CADPS2: variants seen among roughly 807,000 people sequenced by gnomAD.
CADPS2 encodes calcium dependent secretion activator 2.
A neutral mutation model predicts 172.5 loss-of-function variants in CADPS2; 93 were observed. The ratio of observed to expected loss-of-function variants is 0.54; its 90% CI spans 0.46 to 0.64. CADPS2 has a LOEUF of 0.64. CADPS2 is among the 30% of genes least tolerant of loss of function. The pLI is 0.00. For missense variants in CADPS2, 1,420 were observed against 1,565.9 expected (o/e 0.91, Z 1.57); for synonymous variants, 546 against 555.2 (o/e 0.98, Z 0.23).
intron 8 of CADPS2, among the ~76,000 whole-genome samples, chr7:122,541,678 T>G (rs1434216942): frequency 6.8e-6 from 1 of 146,244 alleles, no homozygotes; most frequent in Non-Finnish European, 1.5e-5. Flanking sequence ...TATATGTTTA[T>G]ATATTTATTC....
intron 2 of CADPS2, among the ~76,000 whole-genome samples, chr7:122,717,676 T>C (rs2089807497): frequency 6.6e-6 from 1 of 152,182 alleles, no homozygotes; most frequent in Non-Finnish European, 1.5e-5. Context: ...TTTCATTGTT[T>C]AGCTAATGGG....
chr7:122,474,096 G>A (rs912134429), intron 13 of CADPS2, among the ~76,000 whole-genome samples: 1 of 152,056 alleles, frequency 6.6e-6, no homozygotes, highest in East Asian at 1.9e-4. Flanking sequence ...TTCACTGAGC[G>A]TTCTTTAAAG....
At chr7:122,878,015 T>G (rs1430895918) in intron 1 of CADPS2, among the ~76,000 whole-genome samples, 2 of 55,912 alleles carry the variant, frequency 3.6e-5, no homozygotes. Context: ...AAGTGGCACT[T>G]TGGGAGGCCG....
At chr7:122,833,341 C>T (rs1379024610) in intron 1 of CADPS2, among the ~76,000 whole-genome samples, 2 of 152,010 alleles carry the variant, frequency 1.3e-5, no homozygotes, top group South Asian at 2.1e-4. Context: ...ATGTACCATG[C>T]TTTATTTATT....
intron 9 of CADPS2, 38 bp from the exon 10 acceptor site, chr7:122,491,458 T>A: frequency 1.7e-6 from 2 of 1,161,254 alleles, no homozygotes; most frequent in Non-Finnish European, 2.5e-6. Context: ...TTAGTCACAT[T>A]AAATTTACCA....
chr7:122,797,505 C>G (rs562728304), intron 1 of CADPS2, among the ~76,000 whole-genome samples: 8 of 152,204 alleles, frequency 5.3e-5, no homozygotes, highest in African/African-American at 1.7e-4. Context: ...CCCCATGGAA[C>G]AGTATGCACC....
At chr7:122,544,375 G>A (rs999399644) in intron 8 of CADPS2, among the ~76,000 whole-genome samples, 1 of 152,174 alleles carries the variant, frequency 6.6e-6, no homozygotes, top group African/African-American at 2.4e-5. Flanking sequence ...TGTAAGACAA[G>A]AGTGCACAGT....
intron 1 of CADPS2, among the ~76,000 whole-genome samples, chr7:122,808,311 C>T (rs1169844569): frequency 2.0e-5 from 3 of 152,276 alleles, no homozygotes; most frequent in East Asian, 1.9e-4. Context: ...TTCTGCAGTT[C>T]GTACCCTTGT....
chr7:122,340,474 C>T (rs1415897239), intron 28 of CADPS2, among the ~76,000 whole-genome samples: 1 of 152,162 alleles, frequency 6.6e-6, no homozygotes, highest in Non-Finnish European at 1.5e-5. Flanking sequence ...AGATGCGCTT[C>T]AGTCAACTCT....
chr7:122,876,789 A>C (rs1821333552), intron 1 of CADPS2, among the ~76,000 whole-genome samples: 1 of 152,194 alleles, frequency 6.6e-6, no homozygotes, highest in Admixed American at 6.5e-5. Context: ...CACTTTTCTG[A>C]AATCGTGCAA....
At chr7:122,503,357 G>C (rs2059372337) in intron 9 of CADPS2, among the ~76,000 whole-genome samples, 4 of 152,156 alleles carry the variant, frequency 2.6e-5, no homozygotes, top group Admixed American at 2.6e-4. Flanking sequence ...ATGATTGCAA[G>C]TAGATATAAA....
intron 6 of CADPS2, among the ~76,000 whole-genome samples, chr7:122,594,914 T>C (rs1288995259): frequency 1.3e-5 from 2 of 151,966 alleles, no homozygotes; most frequent in Non-Finnish European, 1.5e-5. Context: ...GTAATTGATG[T>C]ATAACTTAAT....
chr7:122,790,048 A>C (rs2139651842), intron 1 of CADPS2, among the ~76,000 whole-genome samples: 1 of 87,694 alleles, frequency 1.1e-5, no homozygotes, highest in South Asian at 3.5e-4. Flanking sequence ...TTTTTTTTTG[A>C]AAAGAGAAAC....
intron 9 of CADPS2, among the ~76,000 whole-genome samples, chr7:122,498,025 G>A (rs1488841866): frequency 1.3e-5 from 2 of 152,048 alleles, no homozygotes; most frequent in Non-Finnish European, 2.9e-5. Context: ...GCACGAACTC[G>A]GCTCACTGCA....
chr7:122,789,158 A>G (rs1794718264), intron 1 of CADPS2, among the ~76,000 whole-genome samples: 1 of 152,148 alleles, frequency 6.6e-6, no homozygotes, highest in African/African-American at 2.4e-5. Flanking sequence ...GAAGAGGTGA[A>G]GGGAATGTCA....
At chr7:122,547,239 C>A (rs553602167) in intron 8 of CADPS2, among the ~76,000 whole-genome samples, 3 of 152,050 alleles carry the variant, frequency 2.0e-5, no homozygotes, top group Non-Finnish European at 4.4e-5. Context: ...TGTTGACAGG[C>A]AACAAGCCTC....
intron 17 of CADPS2, among the ~76,000 whole-genome samples, chr7:122,433,757 A>G (rs1400719205): frequency 6.6e-6 from 1 of 152,162 alleles, no homozygotes; most frequent in Non-Finnish European, 1.5e-5. Context: ...TATTTCCTAG[A>G]GTTGCCGACC....
rs1439496406 is a variant in CADPS2, at chr7:122,705,747, TATATATAATATATA to T, written c.453+31194_453+31207del. Among the ~76,000 whole-genome samples the T allele has an allele frequency of 3.9e-4, 4 of 10,348 alleles. 1 individual carries two copies. Among genetic ancestry groups the T allele is most frequent in the African/African-American group, 9.3e-4 (4 of 4,296 alleles). The allele number at this position is 10,348 out of a possible 152,430, so 6.8% of individuals were successfully genotyped here. On this transcript the variant is annotated intron_variant, in intron 2 of 29. Transcript: ENST00000449022. Reference sequence around the variant, plus strand: ...ATATCATATATTATATAATATATAATATATATAATATATAATATATGATATATTATATAATATAT... The same window carrying T: ...ATATCATATATTATATAATATATAATATATATGATATATTATATAATATAT...
At chr7:122,761,249 G>A (rs551379996) in intron 1 of CADPS2, among the ~76,000 whole-genome samples, 6 of 152,190 alleles carry the variant, frequency 3.9e-5, no homozygotes, top group East Asian at 1.9e-4. Context: ...TTAAGTGAAC[G>A]TTTCCATACA....
Sources: allele counts gnomAD v4.1 joint callset (sites outside exome capture counted in the v4.1 genomes callset), GRCh38; gene constraint gnomAD v4.1.1; transcripts MANE v1.5; gene names NCBI Gene and HGNC (gene_info 2026-07-23, HGNC 2026-07-21).